The following TIGAR variants were observed in gnomAD, a reference collection of about 807,000 sequenced individuals.
TIGAR encodes the protein fructose-2,6-bisphosphatase TIGAR.
A neutral mutation model predicts 17.9 loss-of-function variants in TIGAR; 7 were observed. That is an observed-to-expected ratio of 0.39 (90% CI 0.22 to 0.73). The LOEUF (loss-of-function observed/expected upper bound fraction) is 0.73, where lower values mean the gene tolerates loss of function less well. Among genes scored for constraint, TIGAR ranks in the 30% least tolerant of loss-of-function variants. The pLI is 0.42. For missense variants in TIGAR, 258 were observed against 327.4 expected (o/e 0.79, Z 1.64); for synonymous variants, 94 against 108.6 (o/e 0.87, Z 0.84).
In TIGAR at chr12:4,352,315, A is replaced by C; in HGVS notation, c.437A>C (p.Glu146Ala). The change falls in exon 6 of 6, where the codon GAA (glutamate) becomes GCA (alanine). Residue 146 changes from glutamate to alanine, a missense_variant. Physicochemically the swap from Glu to Ala is moderately radical, Grantham distance 107. Coordinates refer to ENST00000179259, the MANE Select transcript of TIGAR (RefSeq NM_020375.3). ...FEFLCQLILK[E>A]ADQKEQFSQG... is the part of the protein sequence containing the mutation. Reference sequence around the variant, plus strand: ...TTTCTTTGTCAACTAATCCTGAAAGAAGCGGATCAAAAAGAACAGTTTTCC... The same window carrying C: ...TTTCTTTGTCAACTAATCCTGAAAGCAGCGGATCAAAAAGAACAGTTTTCC... 1 of 1,614,092 alleles carries C rather than the reference A, an allele frequency of 6.2e-7. No individual in the cohort carries two copies. The highest frequency in any genetic ancestry group is 1.1e-5 in the South Asian group (1 of 91,086).
At position 4,356,902 on chromosome 12, in the gene TIGAR, C is replaced by A. The variant is rs1382600119; in HGVS notation, c.*4211C>A. Among the ~76,000 whole-genome samples the A allele has an allele frequency of 6.6e-6, 1 of 152,194 alleles. No homozygotes were observed. The highest frequency in any genetic ancestry group is 1.5e-5 in the Non-Finnish European group (1 of 68,034). ...CACCTGGAGTCGAAACCATGGCTCCCATTCACCTGTCTCTTATTTTCCTGT... is the reference window on the plus strand; with the variant it reads ...CACCTGGAGTCGAAACCATGGCTCCAATTCACCTGTCTCTTATTTTCCTGT... On this transcript the variant is annotated 3_prime_UTR_variant, in exon 6 of 6. Coordinates refer to ENST00000179259, the MANE Select transcript of TIGAR (RefSeq NM_020375.3).
rs137951063 is a variant in TIGAR, at chr12:4,332,725, T to G, written c.70+1408T>G. On this transcript the variant is annotated intron_variant, in intron 2 of 5. Coordinates refer to ENST00000179259, the MANE Select transcript of TIGAR (RefSeq NM_020375.3). ...TGATACTTCTTTGAAATGTGTTAAT[T>G]ATGGTCAGTTTTTATAATTCTTCCA... 2.5e-3 allele frequency among the ~76,000 whole-genome samples: 380 copies of G among 152,346 alleles called. 1 individual carries two copies. The highest frequency in any genetic ancestry group is 2.4e-3 in the Non-Finnish European group (163 of 68,024).
In TIGAR at chr12:4,351,354, C is replaced by T. The variant is rs149094984; in HGVS notation, c.358C>T (p.Pro120Ser). 1,335 of 1,614,090 alleles carry T rather than the reference C, an allele frequency of 8.3e-4. 7 individuals are homozygous for T. In the African/African-American group the frequency reaches 0.014, roughly 17 times the overall value. ...GGAAGAGTGCCCTGTGTTTACACCG[C>T]CCGGAGGAGAGACGCTGGACCAGGT... ...AREECPVFTP[P>S]GGETLDQVKM... Residue 120 changes from proline to serine, a missense_variant, in exon 5 of 6, where the codon CCC becomes TCC. Coordinates refer to ENST00000179259, the MANE Select transcript of TIGAR (RefSeq NM_020375.3).
At chr12:4,328,864 C>T (rs1215980679) in intron 1 of TIGAR, among the ~76,000 whole-genome samples, 2 of 152,118 alleles carry the variant, frequency 1.3e-5, no homozygotes, top group African/African-American at 2.4e-5. Flanking sequence ...CGTGAGCCAC[C>T]GTGCCTGGCC....
At chr12:4,351,467 G>A in intron 5 of TIGAR, 90 bp downstream of exon 5, 1 of 963,262 alleles carries the variant, frequency 1.0e-6, no homozygotes, top group Non-Finnish European at 1.6e-6. Context: ...AAAGTTGCTT[G>A]GTTCATTCTC....
chr12:4,358,186 C>G lies in TIGAR; in HGVS notation c.*5495C>G, dbSNP rs1343812567. Among the ~76,000 whole-genome samples the G allele has an allele frequency of 6.7e-6, 1 of 150,308 alleles. No individual in the cohort carries two copies. The highest frequency in any genetic ancestry group is 6.7e-5 in the Admixed American group (1 of 15,030). On this transcript the variant is annotated 3_prime_UTR_variant, in exon 6 of 6. Coordinates refer to ENST00000179259, the MANE Select transcript of TIGAR (RefSeq NM_020375.3). Reference sequence around the variant, plus strand: ...CTGTAATCCCAGCACTTTGGGAGGCCAAGGTGGGTGGATTACCTGAGGTCA... The same window carrying G: ...CTGTAATCCCAGCACTTTGGGAGGCGAAGGTGGGTGGATTACCTGAGGTCA...
At chr12:4,335,226 A>G (rs1864645317) in intron 2 of TIGAR, among the ~76,000 whole-genome samples, 1 of 151,880 alleles carries the variant, frequency 6.6e-6, no homozygotes, top group South Asian at 2.1e-4. Context: ...TAGTAGAGAC[A>G]GGATTTCGCC....
At position 4,321,382 on chromosome 12, in the gene TIGAR, A is replaced by G. The variant is rs907200287; in HGVS notation, c.32+79A>G. 6.3e-5 allele frequency: 99 copies of G among 1,572,130 alleles called. No individual in the cohort carries two copies. Among genetic ancestry groups the G allele is most frequent in the Admixed American group, 4.2e-4 (25 of 59,332 alleles). ...GAGCGGGTGAAGGGAAAACGGGTCC[A>G]CCACCCTCTCCCCTCCCTGCTCGCT... On this transcript the variant is annotated intron_variant, in intron 1 of 5. Transcript: ENST00000179259. This position sits in a 1 kb window ranked among gnomAD's most constrained non-coding sequence, Gnocchi z 5.2.
At position 4,352,733 on chromosome 12, in the gene TIGAR, A is replaced by G; in HGVS notation, c.*42A>G. The G allele has an allele frequency of 1.3e-6, 2 of 1,552,984 alleles. No homozygotes were observed. The highest frequency in any genetic ancestry group is 1.7e-6 in the Non-Finnish European group (2 of 1,153,868). On this transcript the variant is annotated 3_prime_UTR_variant, in exon 6 of 6. Coordinates refer to ENST00000179259, the MANE Select transcript of TIGAR (RefSeq NM_020375.3). ...AAATCTAACCATTTTGAGCCTCTGA[A>G]GGGAGTGCCATTGGCTTTATTTACT...
At chr12:4,323,351 A>G (rs575081208) in intron 1 of TIGAR, among the ~76,000 whole-genome samples, 1 of 152,242 alleles carries the variant, frequency 6.6e-6, no homozygotes. Context: ...GATGATTCCT[A>G]TTTAGATTCC....
intron 5 of TIGAR, 116 bp from the exon 6 acceptor site, chr12:4,352,144 T>C: frequency 1.3e-6 from 1 of 741,694 alleles, no homozygotes; most frequent in South Asian, 1.9e-5. Context: ...TTCTTCTGCT[T>C]GTGTAGTACT....
intron 1 of TIGAR, among the ~76,000 whole-genome samples, chr12:4,326,888 G>C (rs1272540425): frequency 6.6e-6 from 1 of 152,128 alleles, no homozygotes; most frequent in Non-Finnish European, 1.5e-5. Flanking sequence ...TGATTTCTTG[G>C]TTGGCAAATT....
chr12:4,356,106 T>C lies in TIGAR; in HGVS notation c.*3415T>C, dbSNP rs1002618564. ...TTCAGCAGGACCATCCTGCTTGCAA[T>C]GTGGAGAGCAGGCTGTAGGGGGTGC... On this transcript the variant is annotated 3_prime_UTR_variant, in exon 6 of 6. Transcript: ENST00000179259. 3.9e-5 allele frequency among the ~76,000 whole-genome samples: 6 copies of C among 152,122 alleles called. No individual in the cohort carries two copies. Among genetic ancestry groups the C allele is most frequent in the Non-Finnish European group, 7.3e-5 (5 of 68,032 alleles).
At chr12:4,324,703 A>C in intron 1 of TIGAR, 1 of 861,922 alleles carries the variant, frequency 1.2e-6, no homozygotes, top group South Asian at 1.4e-5. Flanking sequence ...CGCACTGTAC[A>C]GCTGCGTCAG....
In TIGAR at chr12:4,354,583, C is replaced by G. The variant is rs985358773; in HGVS notation, c.*1892C>G. On this transcript the variant is annotated 3_prime_UTR_variant, in exon 6 of 6. Coordinates refer to ENST00000179259, the MANE Select transcript of TIGAR (RefSeq NM_020375.3). Reference sequence around the variant, plus strand: ...AAATAAATATCAAGCCATCTGTGTTCTTTATTTTTACTTATGTCTTGGAGG... The same window carrying G: ...AAATAAATATCAAGCCATCTGTGTTGTTTATTTTTACTTATGTCTTGGAGG... 1.3e-5 allele frequency: 2 copies of G among 151,650 alleles called. No individual in the cohort carries two copies. Among genetic ancestry groups the G allele is most frequent in the Admixed American group, 6.6e-5 (1 of 15,236 alleles). The allele number at this position is 151,650 out of a possible 1,614,324, so 9.4% of individuals were successfully genotyped here.
intron 1 of TIGAR, among the ~76,000 whole-genome samples, chr12:4,323,884 C>A (rs924454771): frequency 2.0e-5 from 3 of 152,184 alleles, no homozygotes; most frequent in Non-Finnish European, 4.4e-5. Context: ...CCTGGTGATT[C>A]TTTCAGGAAA....
chr12:4,339,395 T>A (rs1864695734), intron 3 of TIGAR, among the ~76,000 whole-genome samples: 1 of 152,168 alleles, frequency 6.6e-6, no homozygotes. Context: ...GTACCAAGAT[T>A]GAAGCCATTA....
intron 2 of TIGAR, 64 bp downstream of exon 2, chr12:4,331,381 C>A: frequency 6.6e-7 from 1 of 1,520,650 alleles, no homozygotes; most frequent in Non-Finnish European, 9.1e-7. Flanking sequence ...GTGAGTTAAG[C>A]AGATTTGGTG....
intron 3 of TIGAR, among the ~76,000 whole-genome samples, chr12:4,348,321 A>G (rs537515881): frequency 3.5e-4 from 53 of 152,208 alleles, no homozygotes; most frequent in Non-Finnish European, 6.5e-4. Flanking sequence ...AAGATCCAAG[A>G]AGTGTACCAA....
Sources: gnomAD v4.1 joint callset for allele counts (sites outside exome capture counted in the v4.1 genomes callset) on GRCh38, gnomAD v4.1.1 for gene constraint, Gnocchi (gnomAD v3.1) non-coding constraint, MANE v1.5 for transcripts, NCBI Gene and HGNC (gene_info 2026-07-23, HGNC 2026-07-21) for gene names.